Variants in KCNH7 observed in about 807,000 individuals in gnomAD.
KCNH7 encodes the protein voltage-gated inwardly rectifying potassium channel KCNH7.
A neutral mutation model predicts 120.8 loss-of-function variants in KCNH7; 49 were observed. The observed-to-expected ratio is 0.41, with a 90% CI of 0.32 to 0.51. KCNH7 has a LOEUF of 0.51. Ranked by LOEUF, KCNH7 falls within the 20% of genes least tolerant of loss-of-function variation. The pLI is 0.38. For synonymous variants in KCNH7, 547 were observed against 516.1 expected, an observed-to-expected ratio of 1.06 and a Z score of -0.81; for missense variants, 1,097 against 1,446.6, an observed-to-expected ratio of 0.76 and a Z score of 3.92.
At chr2:162,647,955 A>G in intron 2 of KCNH7, among the ~76,000 whole-genome samples, 1 of 152,340 alleles carries the variant, frequency 6.6e-6, no homozygotes, top group Non-Finnish European at 1.5e-5. Context: ...CATAAAGATA[A>G]GTAAATCATA....
intron 2 of KCNH7, among the ~76,000 whole-genome samples, chr2:162,808,204 T>G (rs1485918876): frequency 6.6e-6 from 1 of 152,238 alleles, no homozygotes; most frequent in Non-Finnish European, 1.5e-5. Flanking sequence ...TAAATAGTTG[T>G]TACACTGTAT....
intron 6 of KCNH7, among the ~76,000 whole-genome samples, chr2:162,457,255 A>G (rs1688995008): frequency 6.6e-6 from 1 of 152,128 alleles, no homozygotes; most frequent in Non-Finnish European, 1.5e-5. Context: ...TCTCCCACAC[A>G]TTTGAGAAAT....
intron 9 of KCNH7, among the ~76,000 whole-genome samples, chr2:162,411,917 A>C (rs1687403509): frequency 6.6e-6 from 1 of 152,004 alleles, no homozygotes; most frequent in Non-Finnish European, 1.5e-5. Flanking sequence ...TAGAACATCC[A>C]ATATTAAATC....
At chr2:162,664,963 G>C (rs1685086413) in intron 2 of KCNH7, among the ~76,000 whole-genome samples, 1 of 152,082 alleles carries the variant, frequency 6.6e-6, no homozygotes, top group South Asian at 2.1e-4. Flanking sequence ...TTCAGATGTG[G>C]AGATGTTAAA....
intron 3 of KCNH7, among the ~76,000 whole-genome samples, chr2:162,535,348 A>G (rs896278393): frequency 3.3e-5 from 5 of 151,930 alleles, no homozygotes; most frequent in Admixed American, 6.6e-5. Flanking sequence ...TCAATGTATA[A>G]GTCACTGTAA....
chr2:162,409,367 A>G (rs1262298130), intron 9 of KCNH7, among the ~76,000 whole-genome samples: 1 of 151,926 alleles, frequency 6.6e-6, no homozygotes, highest in Non-Finnish European at 1.5e-5. Context: ...TATTATATTG[A>G]CTAAAGAAGA....
At chr2:162,742,615 T>C (rs1158729756) in intron 2 of KCNH7, among the ~76,000 whole-genome samples, 1 of 152,226 alleles carries the variant, frequency 6.6e-6, no homozygotes, top group Admixed American at 6.5e-5. Flanking sequence ...GCAAATTATC[T>C]GCAATTCAAC....
chr2:162,701,982 G>A lies in KCNH7; in HGVS notation c.307+134555C>T, dbSNP rs149450763. 3.7e-3 allele frequency among the ~76,000 whole-genome samples: 558 copies of A among 150,922 alleles called. 3 individuals carry two copies. Among genetic ancestry groups the A allele is most frequent in the African/African-American group, 0.013 (536 of 40,628 alleles). ...AGATCACGCCACTATACTCCAGCCT[G>A]GGTGACAGAGTGAGACGCCATCTCA... On this transcript the variant is annotated intron_variant, in intron 2 of 15. Transcript: ENST00000332142.
At chr2:162,573,102 T>G (rs957802942) in intron 2 of KCNH7, among the ~76,000 whole-genome samples, 1 of 152,038 alleles carries the variant, frequency 6.6e-6, no homozygotes, top group African/African-American at 2.4e-5. Flanking sequence ...CTAATAATTT[T>G]TATACTTGAT....
chr2:162,732,460 C>T (rs954670462), intron 2 of KCNH7, among the ~76,000 whole-genome samples: 4 of 151,902 alleles, frequency 2.6e-5, no homozygotes, highest in African/African-American at 4.8e-5. Flanking sequence ...GGATAAGGAG[C>T]GTTTCACATT....
intron 6 of KCNH7, among the ~76,000 whole-genome samples, chr2:162,473,795 C>G (rs779040072): frequency 2.6e-5 from 4 of 152,140 alleles, no homozygotes; most frequent in Non-Finnish European, 5.9e-5. Context: ...TGAGGGAGTA[C>G]AGAGAAAACC....
rs1195946479 is a variant in KCNH7 at position 162,373,560 on chromosome 2, T to G, written c.3234A>C (p.Ser1078=). 2 of 1,596,570 alleles carry G rather than the reference T, an allele frequency of 1.3e-6. No individual in the cohort carries two copies. Among genetic ancestry groups the G allele is most frequent in the Non-Finnish European group, 1.7e-6 (2 of 1,171,564 alleles). ...PPAYSMVTAG[S]EYQRPIIQLM... is the part of the protein sequence containing the mutation. ...GCTGGATGATGGGTCTCTGATATTC[T>G]GATCCTGCTGTTACCATACTGTAGG... The change falls in exon 15 of 16, where the codon TCA becomes TCC. Residue 1078 remains serine, a synonymous_variant. Coordinates refer to ENST00000332142, the MANE Select transcript of KCNH7 (RefSeq NM_033272.4).
At chr2:162,647,941 T>C (rs1237842634) in intron 2 of KCNH7, among the ~76,000 whole-genome samples, 1 of 152,206 alleles carries the variant, frequency 6.6e-6, no homozygotes, top group African/African-American at 2.4e-5. Flanking sequence ...GAATTAATGA[T>C]GTTCATAAAG....
At chr2:162,467,520 T>C (rs1323186485) in intron 6 of KCNH7, among the ~76,000 whole-genome samples, 1 of 152,190 alleles carries the variant, frequency 6.6e-6, no homozygotes, top group Admixed American at 6.5e-5. Context: ...AACCGGGCTC[T>C]CTTTTTCCTT....
intron 10 of KCNH7, among the ~76,000 whole-genome samples, chr2:162,397,317 T>A (rs1201044270): frequency 2.0e-5 from 3 of 151,724 alleles, no homozygotes; most frequent in African/African-American, 7.3e-5. Flanking sequence ...CTGCAGTGAG[T>A]CAGATTCATG....
chr2:162,442,918 GTTTATTTATGTACTTATGCA>G (rs1201175329), intron 7 of KCNH7, among the ~76,000 whole-genome samples: 3 of 152,116 alleles, frequency 2.0e-5, no homozygotes, highest in South Asian at 2.1e-4. Context: ...CTCTTAATTT[GTTTATTTATGTACTTATGCA>G]TTTATTTATG....
At chr2:162,658,791 G>T (rs1684856485) in intron 2 of KCNH7, among the ~76,000 whole-genome samples, 1 of 152,082 alleles carries the variant, frequency 6.6e-6, no homozygotes, top group African/African-American at 2.4e-5. Context: ...TGGTACATAG[G>T]AAAGTGATTA....
At chr2:162,780,642 A>G (rs753033076) in intron 2 of KCNH7, among the ~76,000 whole-genome samples, 4 of 152,114 alleles carry the variant, frequency 2.6e-5, no homozygotes, top group Non-Finnish European at 5.9e-5. Context: ...TAATTGAACT[A>G]ATTTTTTCTC....
intron 2 of KCNH7, among the ~76,000 whole-genome samples, chr2:162,569,121 C>T (rs1376384721): frequency 2.6e-5 from 4 of 151,640 alleles, no homozygotes; most frequent in Admixed American, 6.6e-5. Context: ...TTCCTCCTTG[C>T]ACCTCTGGTA....
Sources: gnomAD v4.1 joint callset for allele counts (sites outside exome capture counted in the v4.1 genomes callset) on GRCh38, gnomAD v4.1.1 for gene constraint, MANE v1.5 for transcripts, NCBI Gene and HGNC (gene_info 2026-07-23, HGNC 2026-07-21) for gene names.